Variants in LPP observed in about 807,000 individuals in gnomAD.
The protein encoded by LPP is lipoma-preferred partner.
A neutral mutation model predicts 60.4 loss-of-function variants in LPP; 38 were observed. The observed-to-expected ratio is 0.63, with a 90% CI of 0.49 to 0.83. The LOEUF (loss-of-function observed/expected upper bound fraction) is 0.83. Among genes scored for constraint, LPP ranks in the 40% least tolerant of loss-of-function variants. The pLI, the probability that LPP is intolerant of heterozygous loss-of-function variation, is 0.00. For missense variants in LPP, 902 were observed against 783.6 expected (o/e 1.15, Z -1.80); for synonymous variants, 328 against 290.8 (o/e 1.13, Z -1.30).
Position 188,866,301 on chromosome 3 carries a change from G to A in LPP, c.1512G>A (p.Met504Ile), listed in dbSNP as rs751158740. The A allele has an allele frequency of 1.3e-6, 2 of 1,590,916 alleles. No homozygotes were observed. Among genetic ancestry groups the A allele is most frequent in the Admixed American group, 1.8e-5 (1 of 57,040 alleles). ...AYHPHCFTCV[M>I]CHRSLDGIPF... ...ATCCTCACTGTTTCACCTGCGTGAT[G>A]TGCCACCGCAGCCTGGATGGGATCC... The change falls in exon 10 of 12, where the codon ATG becomes ATA. Residue 504 changes from methionine to isoleucine, a missense_variant. Transcript: ENST00000617246.
chr3:188,579,950 A>G (rs1835684214), intron 6 of LPP, among the ~76,000 whole-genome samples: 1 of 152,000 alleles, frequency 6.6e-6, no homozygotes. Flanking sequence ...ACAGTGAGCC[A>G]TGACTGTATC....
chr3:188,524,787 G>A lies in LPP; in HGVS notation c.429G>A (p.Gln143=). 1 of 1,613,048 alleles carries A rather than the reference G, an allele frequency of 6.2e-7. No homozygotes were observed. Among genetic ancestry groups the A allele is most frequent in the Non-Finnish European group, 8.5e-7 (1 of 1,179,570 alleles). ...CCCCCTATAAGCCTCGGCCTCCACA[G>A]GTTAGTGCAGCCCACAATCATCTCC... ...CSSPYKPRPP[Q]SSTGSTASPP... The change falls in exon 6 of 12, where the codon CAG becomes CAA. Residue 143 remains glutamine (Q), a splice_region_variant and synonymous_variant. Coordinates refer to ENST00000617246, the MANE Select transcript of LPP (RefSeq NM_001375462.1).
At chr3:188,628,136 C>T (rs956890566) in intron 7 of LPP, among the ~76,000 whole-genome samples, 1 of 152,000 alleles carries the variant, frequency 6.6e-6, no homozygotes, top group Non-Finnish European at 1.5e-5. Context: ...GAGACAAACA[C>T]CTACATCTGT....
intron 1 of LPP, among the ~76,000 whole-genome samples, chr3:188,178,229 G>T (rs1723662465): frequency 6.6e-6 from 1 of 152,114 alleles, no homozygotes; most frequent in Non-Finnish European, 1.5e-5. Context: ...TGGGAATTCT[G>T]GCCCCAGTGG....
At chr3:188,688,435 T>C (rs1861345436) in intron 7 of LPP, among the ~76,000 whole-genome samples, 1 of 152,216 alleles carries the variant, frequency 6.6e-6, no homozygotes, top group African/African-American at 2.4e-5. Flanking sequence ...TGCAGATATA[T>C]CCCTTCTTGG....
chr3:188,636,349 G>A (rs550039177), intron 7 of LPP, among the ~76,000 whole-genome samples: 36 of 152,256 alleles, frequency 2.4e-4, no homozygotes, highest in Non-Finnish European at 4.9e-4. Context: ...CTTTTCCGAC[G>A]GGCTTAAAAA....
At chr3:188,567,320 T>C (rs1354752873) in intron 6 of LPP, among the ~76,000 whole-genome samples, 4 of 151,918 alleles carry the variant, frequency 2.6e-5, no homozygotes, top group Admixed American at 6.6e-5. Context: ...ACCCATCTCA[T>C]AGGATTGTTA....
intron 6 of LPP, among the ~76,000 whole-genome samples, chr3:188,550,559 C>CAG (rs1827840997): frequency 9.3e-6 from 1 of 107,594 alleles, no homozygotes; most frequent in African/African-American, 3.8e-5. Context: ...GCCTGGGTGA[C>CAG]AGAGCAAGAC....
chr3:188,161,614 A>C (rs950105457), intron 1 of LPP, among the ~76,000 whole-genome samples: 1 of 152,146 alleles, frequency 6.6e-6, no homozygotes, highest in Non-Finnish European at 1.5e-5. Context: ...CTGCTCAATC[A>C]CACCCTTGTC....
At chr3:188,475,499 T>C (rs1802917861) in intron 4 of LPP, among the ~76,000 whole-genome samples, 1 of 152,236 alleles carries the variant, frequency 6.6e-6, no homozygotes, top group Non-Finnish European at 1.5e-5. Flanking sequence ...AAAACAATGC[T>C]TAGCATCTCA....
chr3:188,574,925 T>C (rs552623329), intron 6 of LPP, among the ~76,000 whole-genome samples: 2 of 152,264 alleles, frequency 1.3e-5, no homozygotes, highest in African/African-American at 4.8e-5. Flanking sequence ...TTTCCCCCTT[T>C]TTTTCATCAC....
chr3:188,597,785 GA>G (rs1186015064), intron 6 of LPP, among the ~76,000 whole-genome samples: 1 of 151,830 alleles, frequency 6.6e-6, no homozygotes, highest in Non-Finnish European at 1.5e-5. Flanking sequence ...ATACATTATT[GA>G]AAAAACTGAT....
At chr3:188,548,997 A>G (rs1034116618) in intron 6 of LPP, among the ~76,000 whole-genome samples, 3 of 152,202 alleles carry the variant, frequency 2.0e-5, no homozygotes, top group African/African-American at 7.2e-5. Context: ...TGTAGTTTCA[A>G]ATAACTAGAA....
intron 9 of LPP, among the ~76,000 whole-genome samples, chr3:188,790,895 G>A (rs1743489389): frequency 6.6e-6 from 1 of 150,684 alleles, no homozygotes; most frequent in Non-Finnish European, 1.5e-5. Flanking sequence ...GCTTTTCACT[G>A]CTTTGCCCAA....
chr3:188,705,827 G>A (rs1577113921), intron 7 of LPP, among the ~76,000 whole-genome samples: 1 of 152,024 alleles, frequency 6.6e-6, no homozygotes, highest in Non-Finnish European at 1.5e-5. Context: ...GTTTTGGCTA[G>A]GCTGGTCTCG....
chr3:188,377,701 C>G (rs1775571085), intron 3 of LPP, among the ~76,000 whole-genome samples: 1 of 152,190 alleles, frequency 6.6e-6, no homozygotes, highest in Admixed American at 6.5e-5. Context: ...CTTCTTCTCT[C>G]AACTTGTCAA....
At chr3:188,238,576 G>A (rs1180278543) in intron 2 of LPP, among the ~76,000 whole-genome samples, 1 of 152,112 alleles carries the variant, frequency 6.6e-6, no homozygotes, top group Non-Finnish European at 1.5e-5. Flanking sequence ...TTCAGTATTA[G>A]TGTGGGAGAT....
At chr3:188,277,442 T>A (rs917339091) in intron 2 of LPP, among the ~76,000 whole-genome samples, 1 of 152,204 alleles carries the variant, frequency 6.6e-6, no homozygotes, top group African/African-American at 2.4e-5. Flanking sequence ...TAAATGCTTC[T>A]ATCCCAGAGG....
chr3:188,362,401 G>A (rs1033410640), intron 3 of LPP, among the ~76,000 whole-genome samples: 5 of 151,914 alleles, frequency 3.3e-5, no homozygotes, highest in East Asian at 1.9e-4. Context: ...CCTTTTTGCC[G>A]CTTCCTTTCT....
Sources: gnomAD v4.1 joint callset for allele counts (sites outside exome capture counted in the v4.1 genomes callset) on GRCh38, gnomAD v4.1.1 for gene constraint, MANE v1.5 for transcripts, NCBI Gene and HGNC (gene_info 2026-07-23, HGNC 2026-07-21) for gene names.